Variants in GLP2R observed in about 807,000 individuals in gnomAD.
GLP2R encodes the protein glucagon-like peptide 2 receptor.
A neutral mutation model predicts 68.2 loss-of-function variants in GLP2R; 59 were observed. That is an observed-to-expected ratio of 0.87 (90% CI 0.70 to 1.07). The LOEUF (loss-of-function observed/expected upper bound fraction) is 1.07, where lower values mean the gene tolerates loss of function less well. Among genes scored for constraint, GLP2R ranks in the 50% least tolerant of loss-of-function variants. The pLI is 0.00. For synonymous variants in GLP2R, 270 were observed against 265.4 expected, an observed-to-expected ratio of 1.02 and a Z score of -0.17; for missense variants, 548 against 677.4, an observed-to-expected ratio of 0.81 and a Z score of 2.12.
At chr17:9,874,021 C>T (rs973100446) in intron 10 of GLP2R, among the ~76,000 whole-genome samples, 29 of 152,140 alleles carry the variant, frequency 1.9e-4, no homozygotes, top group African/African-American at 6.5e-4. Context: ...CATGTATATG[C>T]ATGGTATCAT....
chr17:9,857,593 C>A lies in GLP2R; in HGVS notation c.765+17C>A, dbSNP rs1233986320. On this transcript the variant is annotated intron_variant, in intron 6 of 12. Coordinates refer to ENST00000262441, the MANE Select transcript of GLP2R (RefSeq NM_004246.3). ...CTGTCAGAGGTAATCCCCTTCCCCA[C>A]TGTTTACACTGGACTCCCCACCTGA... 7 of 1,612,604 alleles carry A rather than the reference C, an allele frequency of 4.3e-6. No homozygotes were observed. Among genetic ancestry groups the A allele is most frequent in the African/African-American group, 1.3e-5 (1 of 74,908 alleles).
chr17:9,861,029 G>C (rs2066982586), intron 7 of GLP2R, 110 bp from the exon 8 acceptor site: 3 of 773,192 alleles, frequency 3.9e-6, no homozygotes, highest in Non-Finnish European at 7.1e-6. Context: ...ACTCCATGAT[G>C]TTAGGTTTGA....
intron 10 of GLP2R, among the ~76,000 whole-genome samples, chr17:9,879,163 C>T (rs938715767): frequency 4.0e-5 from 6 of 151,594 alleles, no homozygotes; most frequent in Non-Finnish European, 8.8e-5. Flanking sequence ...ACCTGTAATC[C>T]CAACACTTCG....
At chr17:9,826,299 T>A in intron 1 of GLP2R, 47 bp downstream of exon 1, 1 of 1,310,468 alleles carries the variant, frequency 7.6e-7, no homozygotes, top group Non-Finnish European at 1.0e-6. Context: ...TATTTCCTGA[T>A]TTTTTTTTAA....
chr17:9,839,461 T>C (rs1435101338), intron 3 of GLP2R, among the ~76,000 whole-genome samples: 1 of 151,988 alleles, frequency 6.6e-6, no homozygotes, highest in Non-Finnish European at 1.5e-5. Context: ...AGGGTCCACC[T>C]GGCCCCACCC....
At chr17:9,875,851 T>C (rs531243328) in intron 10 of GLP2R, among the ~76,000 whole-genome samples, 1 of 152,356 alleles carries the variant, frequency 6.6e-6, no homozygotes, top group Non-Finnish European at 1.5e-5. Context: ...AGCTCTTGAT[T>C]CATTTATAAA....
At chr17:9,887,777 C>G (rs1007794059) in intron 11 of GLP2R, among the ~76,000 whole-genome samples, 155 bp from the exon 12 acceptor site, 3 of 152,158 alleles carry the variant, frequency 2.0e-5, no homozygotes, top group Non-Finnish European at 4.4e-5. Flanking sequence ...GTTAATGTAA[C>G]CAGTATGACT....
At chr17:9,832,958 T>A (rs987929676) in intron 1 of GLP2R, among the ~76,000 whole-genome samples, 1 of 152,012 alleles carries the variant, frequency 6.6e-6, no homozygotes, top group African/African-American at 2.4e-5. Context: ...CACTTCCGAA[T>A]TGACTTCTCA....
chr17:9,864,491 TTTGTTTG>T (rs2067016413), intron 9 of GLP2R, among the ~76,000 whole-genome samples: 1 of 86,582 alleles, frequency 1.2e-5, no homozygotes, highest in Non-Finnish European at 3.1e-5. Flanking sequence ...TGTTTTTTTG[TTTGTTTG>T]TTTGTTTGTT....
intron 9 of GLP2R, among the ~76,000 whole-genome samples, chr17:9,870,421 C>T (rs1006776724): frequency 1.3e-5 from 2 of 152,152 alleles, no homozygotes; most frequent in Non-Finnish European, 2.9e-5. Flanking sequence ...GAACGTCCAC[C>T]TGCCTTTCTA....
intron 3 of GLP2R, 27 bp from the exon 4 acceptor site, chr17:9,842,468 T>C: frequency 6.2e-7 from 1 of 1,613,786 alleles, no homozygotes; most frequent in Non-Finnish European, 8.5e-7. Flanking sequence ...GTTCTGACCT[T>C]TCCTCCAGAG....
chr17:9,886,220 A>G (rs1389484075), intron 11 of GLP2R, among the ~76,000 whole-genome samples: 2 of 152,196 alleles, frequency 1.3e-5, no homozygotes, highest in Non-Finnish European at 1.5e-5. Context: ...TACTCTTCCA[A>G]GAGCCTACTG....
intron 4 of GLP2R, among the ~76,000 whole-genome samples, chr17:9,843,108 C>G (rs556459111): frequency 1.3e-5 from 2 of 151,818 alleles, no homozygotes; most frequent in African/African-American, 2.4e-5. Context: ...ATCTAGCCCT[C>G]TCATCAGAAT....
rs2066731414 is a variant in GLP2R, at chr17:9,836,375, A to G, written c.282A>G (p.Ile94Met). Residue 94 changes from isoleucine (I) to methionine (M), a missense_variant, in exon 3 of 13, where the codon ATA (isoleucine) becomes ATG (methionine). Coordinates refer to ENST00000262441, the MANE Select transcript of GLP2R (RefSeq NM_004246.3). ...AGACCCTTCTTCTCTCTGTAGGCAT[A>G]TTTTGTAACGGGACATTTGATCAGT... ...LRDLLKEPSGIFCNGTFDQYV... is the reference protein window; with the variant it reads ...LRDLLKEPSGMFCNGTFDQYV... 4.4e-6 allele frequency: 7 copies of G among 1,600,466 alleles called. No homozygotes were observed. Among genetic ancestry groups the G allele is most frequent in the Non-Finnish European group, 5.1e-6 (6 of 1,167,594 alleles).
intron 4 of GLP2R, among the ~76,000 whole-genome samples, chr17:9,847,400 G>C (rs1246265912): frequency 6.6e-6 from 1 of 152,002 alleles, no homozygotes; most frequent in Non-Finnish European, 1.5e-5. Context: ...CTCCAGAGTA[G>C]CTGGGACTAC....
intron 10 of GLP2R, among the ~76,000 whole-genome samples, chr17:9,875,942 A>G (rs1314948177): frequency 1.3e-5 from 2 of 152,196 alleles, no homozygotes; most frequent in Non-Finnish European, 2.9e-5. Context: ...CAATGGCACG[A>G]TCTTGGCTCA....
rs776129681 is a variant in GLP2R, at chr17:9,890,021, T to C, written c.*316T>C. ...CACCATGAAGAGAGGTCTCCTGTTA[T>C]AGAGAAGCCAGCCAATATCTCTTCC... On this transcript the variant is annotated 3_prime_UTR_variant, in exon 13 of 13. Coordinates refer to ENST00000262441, the MANE Select transcript of GLP2R (RefSeq NM_004246.3). 25 of 487,088 alleles carry C rather than the reference T, an allele frequency of 5.1e-5. No individual in the cohort carries two copies. The highest frequency in any genetic ancestry group is 2.1e-4 in the Admixed American group (9 of 43,374). The allele number at this position is 487,088 out of a possible 1,614,324, so 30.2% of individuals were successfully genotyped here.
At chr17:9,858,573 A>G (rs966930920) in intron 6 of GLP2R, among the ~76,000 whole-genome samples, 1 of 152,188 alleles carries the variant, frequency 6.6e-6, no homozygotes, top group African/African-American at 2.4e-5. Context: ...TCTTCCTTAA[A>G]TGTTTGATAG....
rs549558422 is a variant in GLP2R at position 9,889,411 on chromosome 17, A to G, written c.1368A>G (p.Leu456=). 6 of 1,614,080 alleles carry G rather than the reference A, an allele frequency of 3.7e-6. No individual in the cohort carries two copies. In the Admixed American group the frequency reaches 1.0e-4, roughly 27 times the overall value. Residue 456 remains leucine, a synonymous_variant, in exon 13 of 13, where the codon CTA becomes CTG. Transcript: ENST00000262441. ...GGAAATACTGGGTCCGCTTCTTGCT[A>G]GCCCGCCACTCAGGCTGCAGAGCCT... ...ELRKYWVRFL[L]ARHSGCRACV... is the part of the protein sequence containing the mutation.
Sources: gnomAD v4.1 joint callset for allele counts (sites outside exome capture counted in the v4.1 genomes callset) on GRCh38, gnomAD v4.1.1 for gene constraint, MANE v1.5 for transcripts, NCBI Gene and HGNC (gene_info 2026-07-23, HGNC 2026-07-21) for gene names.